Variants in ZC3HAV1 observed in about 807,000 individuals in gnomAD.
ZC3HAV1 encodes zinc finger CCCH-type antiviral protein 1.
ZC3HAV1 carries 41 observed loss-of-function variants against 86.6 expected under a neutral mutation model. The observed-to-expected ratio is 0.47, with a 90% confidence interval of 0.37 to 0.61. ZC3HAV1 has a LOEUF of 0.61. Among genes scored for constraint, ZC3HAV1 ranks in the 20% least tolerant of loss-of-function variants. The pLI, the probability that ZC3HAV1 is intolerant of heterozygous loss-of-function variation, is 0.00. For missense variants in ZC3HAV1, 964 were observed against 1,141.1 expected, an observed-to-expected ratio of 0.84 and a Z score of 2.24; for synonymous variants, 421 against 432.1, an observed-to-expected ratio of 0.97 and a Z score of 0.32.
intron 3 of ZC3HAV1, among the ~76,000 whole-genome samples, chr7:139,083,257 C>T: frequency 8.1e-6 from 1 of 123,460 alleles, no homozygotes; most frequent in South Asian, 2.5e-4. Flanking sequence ...GGGGGGGGGG[C>T]AATAGTGCTA....
rs1433066815 is a variant in ZC3HAV1 at position 139,064,963 on chromosome 7, A to G, written c.1909T>C (p.Tyr637His). ...CAGGATTGATAGAGAGACTCCAGGT[A>G]TGAAGAGTCGACGTTTGAATTTTTC... is the stretch of plus-strand genomic sequence containing the variant. ...KRKNSNVDSS[Y>H]LESLYQSCPR... The change falls in exon 8 of 13, where the codon TAC becomes CAC. Residue 637 changes from tyrosine (Y) to histidine (H), a missense_variant. Tyr to His is a moderately conservative substitution (Grantham distance 83). Transcript: ENST00000242351. 1.2e-6 allele frequency: 2 copies of G among 1,614,136 alleles called. No individual in the cohort carries two copies. Among genetic ancestry groups the G allele is most frequent in the African/African-American group, 2.7e-5 (2 of 74,944 alleles).
At chr7:139,080,525 G>A (rs1458548603) in intron 3 of ZC3HAV1, among the ~76,000 whole-genome samples, 1 of 152,174 alleles carries the variant, frequency 6.6e-6, no homozygotes, top group Non-Finnish European at 1.5e-5. Flanking sequence ...GAACTCCTGG[G>A]CTCCAGCGAT....
chr7:139,044,010 T>G lies in ZC3HAV1; in HGVS notation c.*3584A>C, dbSNP rs1283479185. 6.6e-6 allele frequency: 1 copy of G among 152,252 alleles called. No homozygotes were observed. Among genetic ancestry groups the G allele is most frequent in the Non-Finnish European group, 1.5e-5 (1 of 68,054 alleles). The allele number at this position is 152,252 out of a possible 1,614,324, so 9.4% of individuals were successfully genotyped here. On this transcript the variant is annotated 3_prime_UTR_variant, in exon 13 of 13. Transcript: ENST00000242351. ...GAGTGGATGCAGCCAGGGAGAACGA[T>G]GTCCTGCAGTGTGTGGGTTAGTGCC... is the stretch of plus-strand genomic sequence containing the variant.
At chr7:139,077,284 C>T (rs1414750134) in intron 5 of ZC3HAV1, among the ~76,000 whole-genome samples, 1 of 152,210 alleles carries the variant, frequency 6.6e-6, no homozygotes, top group Non-Finnish European at 1.5e-5. Flanking sequence ...CACTCTGTCG[C>T]CCAGGCTGGA....
At position 139,108,508 on chromosome 7, in the gene ZC3HAV1, C is replaced by G. The variant is rs370750131; in HGVS notation, c.308+516G>C. Among the ~76,000 whole-genome samples, 45 of 152,118 alleles carry G rather than the reference C, an allele frequency of 3.0e-4. No homozygotes were observed. Among genetic ancestry groups the G allele is most frequent in the East Asian group, 2.5e-3 (13 of 5,152 alleles). On this transcript the variant is annotated intron_variant, in intron 1 of 12. Coordinates refer to ENST00000242351, the MANE Select transcript of ZC3HAV1 (RefSeq NM_020119.4). This position sits in a 1 kb window ranked among gnomAD's most constrained non-coding sequence, Gnocchi z 4.2. ...CGGTGATGAGGGGCATGGGGGTGAC[C>G]GGGAAGGGAGGGACAAGCAGAGAGA...
chr7:139,072,656 T>A (rs1208802882), intron 7 of ZC3HAV1, among the ~76,000 whole-genome samples: 2 of 152,076 alleles, frequency 1.3e-5, no homozygotes, highest in Non-Finnish European at 2.9e-5. Context: ...CACCTAAACT[T>A]CCCTCCCTAT....
chr7:139,064,837 G>A (rs746996470), intron 8 of ZC3HAV1, 42 bp downstream of exon 8: 81 of 1,613,584 alleles, frequency 5.0e-5, no homozygotes, highest in Non-Finnish European at 6.3e-5. Flanking sequence ...CACTGCAGGC[G>A]GATTTCAATG....
intron 9 of ZC3HAV1, chr7:139,060,454 T>C: frequency 3.0e-6 from 3 of 990,622 alleles, no homozygotes; most frequent in Non-Finnish European, 3.6e-6. Flanking sequence ...ACCAAAACCC[T>C]TGCTCTAACA....
chr7:139,079,992 C>T lies in ZC3HAV1; in HGVS notation c.949G>A (p.Asp317Asn). 7 of 1,614,192 alleles carry T rather than the reference C, an allele frequency of 4.3e-6. No individual in the cohort carries two copies. Among genetic ancestry groups the T allele is most frequent in the Non-Finnish European group, 5.1e-6 (6 of 1,180,028 alleles). Residue 317 changes from aspartate (D) to asparagine (N), a missense_variant, in exon 4 of 13, where the codon GAT becomes AAT. Coordinates refer to ENST00000242351, the MANE Select transcript of ZC3HAV1 (RefSeq NM_020119.4). Reference protein sequence around the residue: ...RPPSGSSKATDLGGTSQAGTS... With the variant: ...RPPSGSSKATNLGGTSQAGTS... ...CCGGCCTGACTTGTTCCTCCAAGAT[C>T]AGTAGCCTTGGACGAGCCTGAGGGA... is the stretch of plus-strand genomic sequence containing the variant.
Position 139,078,653 on chromosome 7 carries a change from TC to T in ZC3HAV1, c.1472-1del. 6.4e-7 allele frequency: 1 copy of T among 1,560,400 alleles called. No individual in the cohort carries two copies. The highest frequency in any genetic ancestry group is 8.6e-7 in the Non-Finnish European group (1 of 1,163,188). ...GGTACTTGTGACATCAGATAAAGAA[TC>T]TATGAAACAAAAAAGGATGCATGTA... On this transcript the variant is annotated splice_acceptor_variant, in intron 4 of 12. Coordinates refer to ENST00000242351, the MANE Select transcript of ZC3HAV1 (RefSeq NM_020119.4). LOFTEE classifies it high-confidence loss of function.
Position 139,108,565 on chromosome 7 carries a change from G to A in ZC3HAV1, c.308+459C>T, listed in dbSNP as rs1254949798. On this transcript the variant is annotated intron_variant, in intron 1 of 12. Transcript: ENST00000242351. This position sits in a 1 kb window ranked among gnomAD's most constrained non-coding sequence, Gnocchi z 4.2. ...GCTCGCTCCGGCGGAGACGGACCGG[G>A]GGCCCAGGGCGGCTGGGTTACTGGC... Among the ~76,000 whole-genome samples, 3 of 152,240 alleles carry A rather than the reference G, an allele frequency of 2.0e-5. No homozygotes were observed. The highest frequency in any genetic ancestry group is 1.5e-5 in the Non-Finnish European group (1 of 68,036).
Position 139,047,436 on chromosome 7 carries a change from A to T in ZC3HAV1, c.*158T>A. On this transcript the variant is annotated 3_prime_UTR_variant, in exon 13 of 13. Coordinates refer to ENST00000242351, the MANE Select transcript of ZC3HAV1 (RefSeq NM_020119.4). The stretch of plus-strand genomic sequence containing the variant: ...CATCAGAATTTGTTTAAAACCTCCC[A>T]GATGATTCTAATATGTAGCAAAATT... 2.1e-6 allele frequency: 2 copies of T among 961,320 alleles called. No homozygotes were observed. The highest frequency in any genetic ancestry group is 1.6e-5 in the South Asian group (1 of 62,662). The allele number at this position is 961,320 out of a possible 1,614,324, so 59.5% of individuals were successfully genotyped here.
intron 7 of ZC3HAV1, among the ~76,000 whole-genome samples, chr7:139,067,631 G>A (rs948938319): frequency 6.6e-6 from 1 of 152,056 alleles, no homozygotes; most frequent in Non-Finnish European, 1.5e-5. Context: ...TTCAGGTGAC[G>A]GACACCCTAA....
In ZC3HAV1 at chr7:139,083,980, G is replaced by A. The variant is rs948471243; in HGVS notation, c.497C>T (p.Pro166Leu). 7 of 1,614,010 alleles carry A rather than the reference G, an allele frequency of 4.3e-6. No individual in the cohort carries two copies. Among genetic ancestry groups the A allele is most frequent in the South Asian group, 1.1e-5 (1 of 91,084 alleles). The part of the protein sequence containing the change: ...EGRQQICNQQ[P>L]PCSRLHICDH... ...ACAGATGTGGAGTCTTGAACACGGTGGCTGCTGGTTACAAATCTGCTGCCG... is the reference window on the plus strand; with the variant it reads ...ACAGATGTGGAGTCTTGAACACGGTAGCTGCTGGTTACAAATCTGCTGCCG... Residue 166 changes from proline (P) to leucine (L), a missense_variant, in exon 3 of 13, where the codon CCA becomes CTA. By Grantham distance (98) the Pro-to-Leu change is moderately conservative. Transcript: ENST00000242351.
intron 1 of ZC3HAV1, among the ~76,000 whole-genome samples, chr7:139,095,873 G>C (rs1029757242): frequency 1.8e-4 from 28 of 152,150 alleles, no homozygotes; most frequent in African/African-American, 6.5e-4. Flanking sequence ...TAGGAGACGG[G>C]CATCAGTATT....
chr7:139,101,098 G>A (rs1403431431), intron 1 of ZC3HAV1, among the ~76,000 whole-genome samples: 2 of 152,216 alleles, frequency 1.3e-5, no homozygotes, highest in Non-Finnish European at 2.9e-5. Flanking sequence ...GCCAGCCTCG[G>A]CCTCCCGAGG....
At chr7:139,054,815 C>T (rs1179124034) in intron 10 of ZC3HAV1, among the ~76,000 whole-genome samples, 1 of 152,114 alleles carries the variant, frequency 6.6e-6, no homozygotes, top group African/African-American at 2.4e-5. Context: ...CTCTGTCGCC[C>T]AGGCTGCAGT....
intron 7 of ZC3HAV1, among the ~76,000 whole-genome samples, chr7:139,066,819 C>T (rs1816618586): frequency 6.6e-6 from 1 of 152,160 alleles, no homozygotes; most frequent in Non-Finnish European, 1.5e-5. Context: ...TGTATGCATC[C>T]ACTGCCTGCT....
rs1056909549 is a variant in ZC3HAV1, at chr7:139,108,878, G to A, written c.308+146C>T. 4 of 1,068,766 alleles carry A rather than the reference G, an allele frequency of 3.7e-6. No homozygotes were observed. The highest frequency in any genetic ancestry group is 3.2e-5 in the African/African-American group (2 of 62,182). 66.2% of individuals were successfully genotyped at this position (1,068,766 alleles called of 1,614,324 possible). ...CGCGGGCCCTGCAGAGGCTCCCAGA[G>A]GGGAGCAGAGAAGGGAGTGGCTGGA... is the stretch of plus-strand genomic sequence containing the variant. On this transcript the variant is annotated intron_variant, in intron 1 of 12. Coordinates refer to ENST00000242351, the MANE Select transcript of ZC3HAV1 (RefSeq NM_020119.4). The surrounding 1 kb of genome is among the most constrained non-coding windows in gnomAD (Gnocchi z 4.2).
Sources: gnomAD v4.1 joint callset for allele counts (sites outside exome capture counted in the v4.1 genomes callset) on GRCh38, gnomAD v4.1.1 for gene constraint, Gnocchi (gnomAD v3.1) non-coding constraint, MANE v1.5 for transcripts, NCBI Gene and HGNC (gene_info 2026-07-23, HGNC 2026-07-21) for gene names.